NME9: variants seen among roughly 807,000 people sequenced by gnomAD.
The protein encoded by NME9 is NME/NM23 family member 9.
A neutral mutation model predicts 44.4 loss-of-function variants in NME9; 48 were observed. The observed-to-expected ratio is 1.08, with a 90% CI of 0.86 to 1.37. The LOEUF (loss-of-function observed/expected upper bound fraction) is 1.37, where lower values mean the gene tolerates loss of function less well. Ranked by LOEUF, NME9 falls within the 40% of genes most tolerant of loss-of-function variation. NME9 has a pLI of 0.00. For missense variants in NME9, 325 were observed against 405.2 expected, an observed-to-expected ratio of 0.80 and a Z score of 1.70; for synonymous variants, 139 against 147.1, an observed-to-expected ratio of 0.94 and a Z score of 0.40.
intron 8 of NME9, among the ~76,000 whole-genome samples, chr3:138,286,217 A>G (rs2050396135): frequency 6.6e-6 from 1 of 152,206 alleles, no homozygotes; most frequent in African/African-American, 2.4e-5. Flanking sequence ...TGCTGGGATT[A>G]CAGGCATGAG....
chr3:138,312,062 G>A (rs979026172), intron 6 of NME9, among the ~76,000 whole-genome samples: 3 of 152,124 alleles, frequency 2.0e-5, no homozygotes, highest in African/African-American at 7.2e-5. Context: ...CAAAAGATGT[G>A]AAAGCTCTCT....
chr3:138,322,611 G>A (rs2053543709), intron 2 of NME9, among the ~76,000 whole-genome samples: 1 of 152,142 alleles, frequency 6.6e-6, no homozygotes, highest in African/African-American at 2.4e-5. Context: ...CCAAGATACT[G>A]GTGGTTCACT....
chr3:138,282,598 A>G (rs2050039112), intron 8 of NME9, among the ~76,000 whole-genome samples: 1 of 147,442 alleles, frequency 6.8e-6, no homozygotes, highest in Admixed American at 6.9e-5. Context: ...GTGAGCCCAG[A>G]TGCACTCTAG....
chr3:138,291,107 A>T (rs891629005), intron 8 of NME9, among the ~76,000 whole-genome samples: 1 of 152,224 alleles, frequency 6.6e-6, no homozygotes, highest in African/African-American at 2.4e-5. Flanking sequence ...AAGAGTTATA[A>T]TCAGATACTC....
intron 6 of NME9, among the ~76,000 whole-genome samples, chr3:138,311,579 A>G (rs2052704739): frequency 6.6e-6 from 1 of 152,244 alleles, no homozygotes; most frequent in African/African-American, 2.4e-5. Context: ...AAAAGGGTTC[A>G]TCATATGTAA....
chr3:138,290,862 C>A (rs2050871663), intron 8 of NME9, among the ~76,000 whole-genome samples: 1 of 152,228 alleles, frequency 6.6e-6, no homozygotes, highest in South Asian at 2.1e-4. Context: ...TCACGTGAGT[C>A]TGGGCCATCT....
chr3:138,274,347 A>T, intron 8 of NME9: 1 of 733,492 alleles, frequency 1.4e-6, no homozygotes, highest in Non-Finnish European at 2.3e-6. Flanking sequence ...AGTGTTTTGC[A>T]TGAAGCAGTT....
At chr3:138,285,604 A>G (rs1285745950) in intron 8 of NME9, among the ~76,000 whole-genome samples, 2 of 152,106 alleles carry the variant, frequency 1.3e-5, no homozygotes, top group Non-Finnish European at 2.9e-5. Context: ...GCCCTTATAG[A>G]TTATTCCTCA....
chr3:138,329,694 G>A lies in NME9; in HGVS notation c.-359C>T. The A allele has an allele frequency of 8.8e-7, 1 of 1,138,556 alleles. No homozygotes were observed. Among genetic ancestry groups the A allele is most frequent in the Non-Finnish European group, 1.1e-6 (1 of 926,614 alleles). 70.5% of individuals were successfully genotyped at this position (1,138,556 alleles called of 1,614,324 possible). A position where few individuals can be genotyped will look rare whatever the true frequency, so the allele number is the denominator to read the frequency against. Reference sequence around the variant, plus strand: ...CCTGTCGGGCACAGGGTCGCCAGTCGAGGAATTCTGACAAAAAAACGACAT... The same window carrying A: ...CCTGTCGGGCACAGGGTCGCCAGTCAAGGAATTCTGACAAAAAAACGACAT... On this transcript the variant is annotated 5_prime_UTR_variant, in exon 1 of 11. Coordinates refer to ENST00000333911, the MANE Select transcript of NME9 (RefSeq NM_001349018.2).
chr3:138,281,824 G>T (rs2049959780), intron 8 of NME9, among the ~76,000 whole-genome samples: 1 of 152,068 alleles, frequency 6.6e-6, no homozygotes, highest in Non-Finnish European at 1.5e-5. Flanking sequence ...TGGGTAAGAG[G>T]GGGTAGCTGT....
Position 138,329,401 on chromosome 3 carries a change from A to G in NME9, c.-66T>C, listed in dbSNP as rs906098941. 2.6e-6 allele frequency: 4 copies of G among 1,535,134 alleles called. No individual in the cohort carries two copies. In the African/African-American group the frequency reaches 5.5e-5, roughly 21 times the overall value. ...GGCCGTTCCCCCGCAGCCTCGCGAC[A>G]AACCGCTGCGTGGATCAGCAAGCCC... On this transcript the variant is annotated 5_prime_UTR_variant, in exon 1 of 11. Transcript: ENST00000333911.
At chr3:138,264,855 CA>C (rs1392047826) in intron 8 of NME9, among the ~76,000 whole-genome samples, 10 of 150,136 alleles carry the variant, frequency 6.7e-5, no homozygotes, top group Admixed American at 4.6e-4. Context: ...CTGCCATTTA[CA>C]GAGATAATGT....
intron 8 of NME9, among the ~76,000 whole-genome samples, chr3:138,286,079 G>A (rs1040169537): frequency 2.0e-5 from 3 of 152,102 alleles, no homozygotes; most frequent in Non-Finnish European, 4.4e-5. Context: ...GAGTAGCTGG[G>A]ATTACAGGCG....
At chr3:138,263,389 A>G (rs556990939) in intron 8 of NME9, 1 of 230,624 alleles carries the variant, frequency 4.3e-6, no homozygotes, top group African/African-American at 2.3e-5. Context: ...TCACTCTGGA[A>G]GGAACCTGCC....
At position 138,301,192 on chromosome 3, in the gene NME9, T is replaced by G. The variant is rs1487671283; in HGVS notation, c.*448A>C. 3.6e-6 allele frequency: 3 copies of G among 832,930 alleles called. No homozygotes were observed. The highest frequency in any genetic ancestry group is 1.2e-4 in the Admixed American group (2 of 16,054). 51.6% of individuals were successfully genotyped at this position (832,930 alleles called of 1,614,324 possible). On this transcript the variant is annotated 3_prime_UTR_variant, in exon 11 of 11. Transcript: ENST00000333911. ...AGGCAGAAAAGTATATACTATTCTC[T>G]TTCTTTACTTTTTTTTTTATTATTA...
At chr3:138,296,559 A>G (rs2051505150), downstream of NME9, 1 of 152,200 alleles carries the variant, frequency 6.6e-6, no homozygotes, top group South Asian at 2.1e-4. Context: ...AAGAAAAAAA[A>G]AGAAAAAGTT....
intron 8 of NME9, among the ~76,000 whole-genome samples, chr3:138,286,368 C>A (rs2050414238): frequency 6.6e-6 from 1 of 152,212 alleles, no homozygotes; most frequent in Non-Finnish European, 1.5e-5. Context: ...CTTAGGGCCA[C>A]CAATGACTTC....
intron 9 of NME9, among the ~76,000 whole-genome samples, 190 bp from the exon 10 acceptor site, chr3:138,303,833 G>A (rs149145337): frequency 1.2e-4 from 19 of 152,260 alleles, no homozygotes; most frequent in African/African-American, 4.6e-4. Context: ...ATGGCAGTGT[G>A]CTGGGCACAT....
At chr3:138,299,017 T>C (rs2051706881), downstream of NME9, among the ~76,000 whole-genome samples, 1 of 151,878 alleles carries the variant, frequency 6.6e-6, no homozygotes, top group Non-Finnish European at 1.5e-5. Context: ...ACAGGAAAAC[T>C]TGGAAGTGAG....
Sources: allele counts gnomAD v4.1 joint callset (sites outside exome capture counted in the v4.1 genomes callset), GRCh38; gene constraint gnomAD v4.1.1; transcripts MANE v1.5; gene names NCBI Gene and HGNC (gene_info 2026-07-23, HGNC 2026-07-21).